Variants in ROPN1L observed in about 807,000 individuals in gnomAD.
ROPN1L encodes ropporin-1-like protein.
Under a neutral mutation model 22.7 loss-of-function variants are expected in ROPN1L, and 23 were observed. The observed-to-expected ratio is 1.01, with a 90% CI of 0.73 to 1.43. The LOEUF (loss-of-function observed/expected upper bound fraction) is 1.43. Among genes scored for constraint, ROPN1L ranks in the 40% most tolerant of loss-of-function variants. The probability of loss-of-function intolerance (pLI) is 0.00; values close to 1 mark genes in which losing one functional copy is unlikely to be tolerated. For synonymous variants in ROPN1L, 116 were observed against 117.8 expected (o/e 0.98, Z 0.10); for missense variants, 271 against 291.5 (o/e 0.93, Z 0.51).
downstream of ROPN1L, among the ~76,000 whole-genome samples, chr5:10,475,114 T>G (rs561750133): frequency 6.6e-6 from 1 of 152,030 alleles, no homozygotes; most frequent in Non-Finnish European, 1.5e-5. Context: ...CAGAAAGACA[T>G]CTTTCCAGGG....
At chr5:10,478,107 G>A in the ROPN1L span, 3 of 152,512 alleles carry the variant, frequency 2.0e-5, no homozygotes, top group African/African-American at 7.2e-5. Context: ...GGTGGGTTCT[G>A]GCTGGTCAGA....
chr5:10,463,295 T>C (rs1363939096), intron 4 of ROPN1L, among the ~76,000 whole-genome samples: 3 of 152,220 alleles, frequency 2.0e-5, no homozygotes, highest in Non-Finnish European at 4.4e-5. Flanking sequence ...AGCTCTTGGG[T>C]CCTGCGGAAG....
At chr5:10,481,531 T>C in the ROPN1L span, among the ~76,000 whole-genome samples, 36 of 152,362 alleles carry the variant, frequency 2.4e-4, no homozygotes, top group East Asian at 4.1e-3. Context: ...GAGCCTGGTT[T>C]ACTATCTCTG....
At chr5:10,465,032 C>T (rs189726346), downstream of ROPN1L, 73 of 670,658 alleles carry the variant, frequency 1.1e-4, no homozygotes, top group East Asian at 2.0e-3. Flanking sequence ...TCACACACCT[C>T]TGTAGTGTGA....
At chr5:10,444,706 C>T (rs1207887140) in intron 1 of ROPN1L, among the ~76,000 whole-genome samples, 1 of 151,046 alleles carries the variant, frequency 6.6e-6, no homozygotes, top group African/African-American at 2.4e-5. Flanking sequence ...CGAGACCAAC[C>T]TGACCAACAT....
chr5:10,475,695 G>T (rs141169979), downstream of ROPN1L, among the ~76,000 whole-genome samples: 126 of 152,348 alleles, frequency 8.3e-4, 2 homozygotes, highest in East Asian at 0.021. Context: ...TTCCAGACCT[G>T]ATTCTGCAAC....
intron 3 of ROPN1L, among the ~76,000 whole-genome samples, chr5:10,454,717 A>G (rs1741361052): frequency 6.6e-6 from 1 of 152,224 alleles, no homozygotes; most frequent in African/African-American, 2.4e-5. Flanking sequence ...GCAGTTTTCC[A>G]TCTGAACACG....
intron 3 of ROPN1L, among the ~76,000 whole-genome samples, chr5:10,452,072 C>T (rs1327904764): frequency 3.3e-5 from 5 of 152,054 alleles, no homozygotes; most frequent in Admixed American, 2.6e-4. Context: ...CTGCAACCTC[C>T]CAGGTTCAAG....
At chr5:10,459,649 A>G (rs1397009616) in intron 3 of ROPN1L, among the ~76,000 whole-genome samples, 1 of 152,082 alleles carries the variant, frequency 6.6e-6, no homozygotes, top group East Asian at 1.9e-4. Context: ...GAATTCTCCC[A>G]GCATCCCACA....
the ROPN1L span, among the ~76,000 whole-genome samples, chr5:10,479,185 T>C: frequency 6.6e-6 from 1 of 152,174 alleles, no homozygotes; most frequent in Non-Finnish European, 1.5e-5. Flanking sequence ...AATAGTTCTT[T>C]CAAGTCCCCA....
chr5:10,481,469 T>G, the ROPN1L span, among the ~76,000 whole-genome samples: 1 of 152,174 alleles, frequency 6.6e-6, no homozygotes, highest in Non-Finnish European at 1.5e-5. Flanking sequence ...AGGAGGTGTC[T>G]GGGGCATGGG....
intron 3 of ROPN1L, among the ~76,000 whole-genome samples, chr5:10,451,928 A>ATATCTATCT (rs1741263680): frequency 6.6e-6 from 1 of 150,520 alleles, no homozygotes; most frequent in Admixed American, 6.6e-5. Flanking sequence ...AACTCTGTGA[A>ATATCTATCT]ATCTATCTAT....
At chr5:10,466,464 G>T (rs1735156123), downstream of ROPN1L, among the ~76,000 whole-genome samples, 1 of 152,160 alleles carries the variant, frequency 6.6e-6, no homozygotes, top group Admixed American at 6.5e-5. Context: ...CTCAAGAAAA[G>T]ACATTTGAAG....
At chr5:10,479,619 G>A in the ROPN1L span, among the ~76,000 whole-genome samples, 2 of 152,200 alleles carry the variant, frequency 1.3e-5, no homozygotes, top group South Asian at 2.1e-4. Context: ...CAGCTGCTTC[G>A]GGCGTCTCAC....
chr5:10,453,562 C>T (rs1406675678), intron 3 of ROPN1L, among the ~76,000 whole-genome samples: 1 of 152,148 alleles, frequency 6.6e-6, no homozygotes, highest in East Asian at 1.9e-4. Flanking sequence ...AGTGGATTAC[C>T]ACCTGCAGAA....
At chr5:10,457,856 T>A (rs1734875922) in intron 3 of ROPN1L, among the ~76,000 whole-genome samples, 1 of 151,990 alleles carries the variant, frequency 6.6e-6, no homozygotes, top group South Asian at 2.1e-4. Flanking sequence ...TTCTTGCGCT[T>A]CCCTTGGAAG....
At chr5:10,481,556 C>T in the ROPN1L span, among the ~76,000 whole-genome samples, 2 of 152,338 alleles carry the variant, frequency 1.3e-5, no homozygotes, top group East Asian at 1.9e-4. Flanking sequence ...TTGGTTAGTA[C>T]TGGGTGGGGC....
intron 3 of ROPN1L, among the ~76,000 whole-genome samples, chr5:10,450,438 C>T (rs930687570): frequency 2.6e-5 from 4 of 152,162 alleles, no homozygotes; most frequent in African/African-American, 9.7e-5. Flanking sequence ...CTGTTTTGCT[C>T]ATCTGTGGAA....
chr5:10,466,590 G>T (rs1735158107), downstream of ROPN1L, among the ~76,000 whole-genome samples: 2 of 152,220 alleles, frequency 1.3e-5, no homozygotes, highest in South Asian at 4.1e-4. Flanking sequence ...AAAAAGGCAT[G>T]TGGTGTTTCA....
Sources: gnomAD v4.1 joint callset for allele counts (sites outside exome capture counted in the v4.1 genomes callset) on GRCh38, gnomAD v4.1.1 for gene constraint, MANE v1.5 for transcripts, NCBI Gene and HGNC (gene_info 2026-07-23, HGNC 2026-07-21) for gene names.